The following CERS6 variants were observed in gnomAD, a reference collection of about 807,000 sequenced individuals.
CERS6 encodes LAG1 homolog, ceramide synthase 6.
In CERS6, 26 loss-of-function variants were observed where a neutral mutation model predicts 56.8. The observed-to-expected ratio is 0.46, with a 90% CI of 0.34 to 0.63. The LOEUF (loss-of-function observed/expected upper bound fraction) is 0.63. Among genes scored for constraint, CERS6 ranks in the 30% least tolerant of loss-of-function variants. The pLI is 0.01. For missense variants in CERS6, 415 were observed against 467.5 expected (o/e 0.89, Z 1.04); for synonymous variants, 164 against 173.3 (o/e 0.95, Z 0.42).
intron 3 of CERS6, among the ~76,000 whole-genome samples, chr2:168,590,349 CAG>C (rs1271387196): frequency 1.3e-5 from 2 of 152,076 alleles, no homozygotes; most frequent in Non-Finnish European, 1.5e-5. Context: ...ACGATGTTAT[CAG>C]AGAAAAATTA....
intron 8 of CERS6, among the ~76,000 whole-genome samples, chr2:168,721,180 G>C (rs1343604594): frequency 1.3e-5 from 2 of 152,080 alleles, no homozygotes; most frequent in African/African-American, 4.8e-5. Context: ...ACATTTTGTG[G>C]TCATTTTATA....
intron 1 of CERS6, among the ~76,000 whole-genome samples, chr2:168,500,910 A>G (rs976919146): frequency 1.3e-5 from 2 of 152,318 alleles, no homozygotes; most frequent in African/African-American, 2.4e-5. Context: ...GGTTGCCACA[A>G]TGTGGCCTAG....
At chr2:168,544,679 A>G (rs1484299411) in intron 1 of CERS6, among the ~76,000 whole-genome samples, 2 of 152,184 alleles carry the variant, frequency 1.3e-5, no homozygotes, top group African/African-American at 4.8e-5. Flanking sequence ...GACCGGCACC[A>G]GGCCTGGGGT....
intron 8 of CERS6, among the ~76,000 whole-genome samples, chr2:168,752,987 A>T (rs960341347): frequency 2.6e-5 from 4 of 152,248 alleles, no homozygotes; most frequent in South Asian, 4.1e-4. Context: ...GGGGTATTTT[A>T]TCCATGGAGA....
rs566624930 is a variant in CERS6, at chr2:168,575,398, A to G, written c.407+14076A>G. 2.4e-3 allele frequency among the ~76,000 whole-genome samples: 371 copies of G among 152,178 alleles called. 1 individual carries two copies. The highest frequency in any genetic ancestry group is 0.01 in the Admixed American group (153 of 15,276). On this transcript the variant is annotated intron_variant, in intron 3 of 9. Transcript: ENST00000305747. ...GGAAAGCAAGGCAGGCACGTCTTACATGGTGGAAGGGGAGAGTGAGAGTGA... is the reference window on the plus strand; with the variant it reads ...GGAAAGCAAGGCAGGCACGTCTTACGTGGTGGAAGGGGAGAGTGAGAGTGA...
chr2:168,527,965 C>G (rs973917666), intron 1 of CERS6, among the ~76,000 whole-genome samples: 3 of 152,084 alleles, frequency 2.0e-5, no homozygotes, highest in African/African-American at 7.2e-5. Context: ...GAGTGATCTG[C>G]CCACCTAGAC....
intron 4 of CERS6, among the ~76,000 whole-genome samples, chr2:168,666,013 T>C (rs1320643548): frequency 6.7e-6 from 1 of 148,354 alleles, no homozygotes; most frequent in Non-Finnish European, 1.5e-5. Context: ...TAGAGAAAAA[T>C]TGAATGGAAA....
At chr2:168,564,708 C>A (rs558470392) in intron 3 of CERS6, among the ~76,000 whole-genome samples, 1 of 152,276 alleles carries the variant, frequency 6.6e-6, no homozygotes, top group Non-Finnish European at 1.5e-5. Flanking sequence ...CATTTATCCC[C>A]TCACCATTCT....
At chr2:168,529,152 A>G (rs1425721211) in intron 1 of CERS6, among the ~76,000 whole-genome samples, 1 of 152,174 alleles carries the variant, frequency 6.6e-6, no homozygotes, top group Non-Finnish European at 1.5e-5. Context: ...TGATGTTGAG[A>G]ATCAACTTTC....
At chr2:168,593,474 G>A (rs1291156412) in intron 3 of CERS6, among the ~76,000 whole-genome samples, 1 of 152,224 alleles carries the variant, frequency 6.6e-6, no homozygotes, top group African/African-American at 2.4e-5. Context: ...GAGGCATCAT[G>A]TACCTGCTGT....
At chr2:168,676,473 A>G (rs992237398) in intron 4 of CERS6, among the ~76,000 whole-genome samples, 3 of 152,236 alleles carry the variant, frequency 2.0e-5, no homozygotes, top group South Asian at 2.1e-4. Context: ...ATTATTAGCT[A>G]TTGGGAAGAT....
intron 4 of CERS6, among the ~76,000 whole-genome samples, chr2:168,634,476 A>G (rs538021356): frequency 1.3e-5 from 2 of 152,142 alleles, no homozygotes; most frequent in African/African-American, 2.4e-5. Flanking sequence ...GTAGTGGTGC[A>G]ATCTTGGCCC....
At chr2:168,552,787 G>GT (rs1187401465) in intron 2 of CERS6, among the ~76,000 whole-genome samples, 3 of 152,150 alleles carry the variant, frequency 2.0e-5, no homozygotes, top group Non-Finnish European at 2.9e-5. Context: ...CACACTGGAA[G>GT]TAGCAGGTCA....
At chr2:168,636,078 G>T (rs1684853719) in intron 4 of CERS6, among the ~76,000 whole-genome samples, 1 of 152,014 alleles carries the variant, frequency 6.6e-6, no homozygotes, top group Admixed American at 6.6e-5. Flanking sequence ...GTTTAAGGAG[G>T]CTTTAAATTT....
chr2:168,489,552 A>G (rs145551917), intron 1 of CERS6, among the ~76,000 whole-genome samples: 1,729 of 150,354 alleles, frequency 0.011, 14 homozygotes, highest in Non-Finnish European at 0.017. Context: ...TTTGAGGCTC[A>G]GCTCATTTGT....
At chr2:168,557,627 TG>T (rs1391530927) in intron 2 of CERS6, among the ~76,000 whole-genome samples, 12 of 152,182 alleles carry the variant, frequency 7.9e-5, no homozygotes, top group African/African-American at 2.2e-4. Flanking sequence ...AATACCAATA[TG>T]TATTCCAAAT....
At chr2:168,768,876 G>A (rs2105470432) in intron 9 of CERS6, among the ~76,000 whole-genome samples, 1 of 138,888 alleles carries the variant, frequency 7.2e-6, no homozygotes, top group Admixed American at 7.6e-5. Flanking sequence ...GTGCACTCCA[G>A]CCTGGGCAAC....
intron 3 of CERS6, among the ~76,000 whole-genome samples, chr2:168,585,325 T>C (rs1245660638): frequency 6.6e-6 from 1 of 152,260 alleles, no homozygotes; most frequent in Non-Finnish European, 1.5e-5. Context: ...TGCTGGGCAA[T>C]AGGTGCAGGA....
intron 8 of CERS6, among the ~76,000 whole-genome samples, chr2:168,742,891 T>C (rs1683960109): frequency 6.6e-6 from 1 of 152,164 alleles, no homozygotes; most frequent in Non-Finnish European, 1.5e-5. Context: ...TTGATTCTAA[T>C]GATTATGAGT....
Sources: gnomAD v4.1 joint callset for allele counts (sites outside exome capture counted in the v4.1 genomes callset) on GRCh38, gnomAD v4.1.1 for gene constraint, MANE v1.5 for transcripts, NCBI Gene and HGNC (gene_info 2026-07-23, HGNC 2026-07-21) for gene names.